GPC4: variants seen among roughly 807,000 people sequenced by gnomAD.
GPC4 encodes glypican-4.
In GPC4, 10 loss-of-function variants were observed where a neutral mutation model predicts 35.0. That is an observed-to-expected ratio of 0.29 (90% CI 0.18 to 0.48). The LOEUF is 0.48. Among genes scored for constraint, GPC4 ranks in the 20% least tolerant of loss-of-function variants. The pLI is 0.99. For synonymous variants in GPC4, 167 were observed against 170.2 expected, an observed-to-expected ratio of 0.98 and a Z score of 0.15; for missense variants, 322 against 451.3, an observed-to-expected ratio of 0.71 and a Z score of 2.60.
intron 1 of GPC4, among the ~76,000 whole-genome samples, chrX:133,401,726 AAGAAAAGTT>A (rs1480280778): frequency 9.0e-6 from 1 of 111,410 alleles, no homozygotes; most frequent in Non-Finnish European, 1.9e-5. Flanking sequence ...AGAGGGCAGA[AAGAAAAGTT>A]AGTTCCAAAC....
At chrX:133,359,575 G>T (rs2068557492) in intron 1 of GPC4, among the ~76,000 whole-genome samples, 1 of 111,889 alleles carries the variant, frequency 8.9e-6, no homozygotes, top group Non-Finnish European at 1.9e-5. Flanking sequence ...AAGGGAGGAA[G>T]CCAGTTAGAG....
intron 3 of GPC4, among the ~76,000 whole-genome samples, chrX:133,311,750 C>T (rs1459570640): frequency 2.7e-5 from 3 of 110,432 alleles, no homozygotes; most frequent in Non-Finnish European, 5.7e-5. Flanking sequence ...AATCCTTTTA[C>T]AAATAACTAT....
intron 1 of GPC4, among the ~76,000 whole-genome samples, chrX:133,348,973 T>C (rs1361176047): frequency 8.9e-6 from 1 of 112,388 alleles, no homozygotes; most frequent in East Asian, 2.8e-4. Context: ...ATCACGTCTG[T>C]TAGAGCCCCA....
chrX:133,369,917 TA>T (rs34257154), intron 1 of GPC4, among the ~76,000 whole-genome samples: 1,597 of 109,039 alleles, frequency 0.015, 35 homozygotes, highest in African/African-American at 0.049. Context: ...CTCAACTTGA[TA>T]AAAAAAAAGG....
chrX:133,389,315 ACT>A (rs1031153859), intron 1 of GPC4, among the ~76,000 whole-genome samples: 1 of 111,183 alleles, frequency 9.0e-6, no homozygotes, highest in Admixed American at 9.7e-5. Flanking sequence ...CGTCTGTCTT[ACT>A]CTCTCTTATA....
At chrX:133,345,914 A>G (rs775774754) in intron 1 of GPC4, among the ~76,000 whole-genome samples, 4 of 112,161 alleles carry the variant, frequency 3.6e-5, no homozygotes, top group Admixed American at 1.9e-4. Flanking sequence ...AAACAACAAA[A>G]GCAGAGATTT....
At chrX:133,335,472 C>T (rs1259205458) in intron 2 of GPC4, among the ~76,000 whole-genome samples, 2 of 111,271 alleles carry the variant, frequency 1.8e-5, no homozygotes, top group African/African-American at 6.5e-5. Flanking sequence ...CACACACACA[C>T]GCACACACAC....
At chrX:133,407,614 A>C (rs1266034380) in intron 1 of GPC4, among the ~76,000 whole-genome samples, 1 of 111,543 alleles carries the variant, frequency 9.0e-6, no homozygotes, top group African/African-American at 3.3e-5. Context: ...GTTGGACTCA[A>C]CCCACCCTTT....
At position 133,414,862 on chromosome X, in the gene GPC4, C is replaced by G. The variant is rs746547721; in HGVS notation, c.104G>C (p.Arg35Pro). The G allele has an allele frequency of 8.3e-7, 1 of 1,211,922 alleles. No individual in the cohort carries two copies. The highest frequency in any genetic ancestry group is 1.7e-5 in the African/African-American group (1 of 57,974). ...LKSKSCSEVR[R>P]LYVSKGFNKN... ...GTTGAAGCCTTTGGACACGTAAAGA[C>G]GTCGCACTTCCGAGCAACTTTTCGA... The change falls in exon 1 of 9, where the codon CGT becomes CCT. Residue 35 changes from arginine to proline, a missense_variant. Physicochemically the swap from Arg to Pro is moderately radical, Grantham distance 103. Coordinates refer to ENST00000370828, the MANE Select transcript of GPC4 (RefSeq NM_001448.3).
chrX:133,358,488 T>G (rs1211997821), intron 1 of GPC4, among the ~76,000 whole-genome samples: 1 of 112,435 alleles, frequency 8.9e-6, no homozygotes, highest in Non-Finnish European at 1.9e-5. Context: ...TTCTTCCTAA[T>G]AGCCAATCAT....
chrX:133,373,251 A>G (rs758574716), intron 1 of GPC4, among the ~76,000 whole-genome samples: 5 of 111,886 alleles, frequency 4.5e-5, no homozygotes, highest in Non-Finnish European at 9.4e-5. Flanking sequence ...GGAATCGAAC[A>G]TACAACACAA....
chrX:133,375,198 C>A (rs908947309), intron 1 of GPC4, among the ~76,000 whole-genome samples: 2 of 111,739 alleles, frequency 1.8e-5, no homozygotes, highest in Non-Finnish European at 3.8e-5. Flanking sequence ...ACTACGTACT[C>A]CTGGTATGTG....
At chrX:133,314,097 T>C (rs1159259569) in intron 3 of GPC4, among the ~76,000 whole-genome samples, 1 of 112,344 alleles carries the variant, frequency 8.9e-6, no homozygotes, top group Admixed American at 9.4e-5. Flanking sequence ...TATTCTGGAA[T>C]GCATTTGAAT....
chrX:133,351,597 C>A (rs941950306), intron 1 of GPC4, among the ~76,000 whole-genome samples: 2 of 111,071 alleles, frequency 1.8e-5, no homozygotes, highest in Non-Finnish European at 3.8e-5. Flanking sequence ...TAGTGAGGCA[C>A]CCCAGGTCTG....
intron 2 of GPC4, among the ~76,000 whole-genome samples, chrX:133,334,051 G>A (rs2068431982): frequency 8.9e-6 from 1 of 112,063 alleles, no homozygotes; most frequent in Admixed American, 9.5e-5. Flanking sequence ...TTTCAGCTTA[G>A]TCAATGGCCA....
intron 2 of GPC4, among the ~76,000 whole-genome samples, chrX:133,337,937 G>A (rs2124132160): frequency 9.1e-6 from 1 of 109,904 alleles, no homozygotes; most frequent in African/African-American, 3.3e-5. Context: ...CCAGGGAAAG[G>A]TGATAGAACT....
chrX:133,342,247 G>C (rs2068470690), intron 1 of GPC4, among the ~76,000 whole-genome samples: 1 of 109,620 alleles, frequency 9.1e-6, no homozygotes, highest in Non-Finnish European at 1.9e-5. Flanking sequence ...ATGTTGGCTA[G>C]GCTGGTCTCG....
At chrX:133,390,810 T>C (rs2068716133) in intron 1 of GPC4, among the ~76,000 whole-genome samples, 1 of 111,644 alleles carries the variant, frequency 9.0e-6, no homozygotes, top group South Asian at 3.8e-4. Context: ...CCTCCTTTCA[T>C]GAACACCGGG....
chrX:133,302,822 T>G lies in GPC4; in HGVS notation c.*45A>C. ...AGGATGGTAGAAAAGTGATAACTGG[T>G]GCCTTTTAACTTTTTGATGAACACT... is the stretch of plus-strand genomic sequence containing the variant. On this transcript the variant is annotated 3_prime_UTR_variant, in exon 9 of 9. Coordinates refer to ENST00000370828, the MANE Select transcript of GPC4 (RefSeq NM_001448.3). The G allele has an allele frequency of 2.6e-6, 3 of 1,138,848 alleles. No homozygotes were observed. Among genetic ancestry groups the G allele is most frequent in the Non-Finnish European group, 3.6e-6 (3 of 832,165 alleles). The allele number at this position is 1,138,848 out of a possible 1,213,427, so 93.9% of individuals were successfully genotyped here. A position where few individuals can be genotyped will look rare whatever the true frequency, so the allele number is the denominator to read the frequency against.
Sources: allele counts gnomAD v4.1 joint callset (sites outside exome capture counted in the v4.1 genomes callset), GRCh38; gene constraint gnomAD v4.1.1; transcripts MANE v1.5; gene names NCBI Gene and HGNC (gene_info 2026-07-23, HGNC 2026-07-21).